The following CISD1 variants were observed in gnomAD, a reference collection of about 807,000 sequenced individuals.
CISD1 encodes CDGSH iron-sulfur domain-containing protein 1.
Under a neutral mutation model 12.0 loss-of-function variants are expected in CISD1, and 8 were observed. That is an observed-to-expected ratio of 0.67 (90% confidence interval 0.39 to 1.20). The LOEUF is 1.20. Among genes scored for constraint, CISD1 ranks in the 50% most tolerant of loss-of-function variants. The probability of loss-of-function intolerance (pLI) is 0.01; values close to 1 mark genes in which losing one functional copy is unlikely to be tolerated. For missense variants in CISD1, 107 were observed against 132.7 expected (o/e 0.81, Z 0.95); for synonymous variants, 38 against 42.2 (o/e 0.90, Z 0.39).
intron 2 of CISD1, among the ~76,000 whole-genome samples, chr10:58,279,308 A>G (rs1839349585): frequency 6.6e-6 from 1 of 152,222 alleles, no homozygotes; most frequent in African/African-American, 2.4e-5. Context: ...GTATATGCAG[A>G]CATTTCAAAA....
chr10:58,285,610 T>C (rs1228850572), intron 2 of CISD1, among the ~76,000 whole-genome samples: 5 of 152,124 alleles, frequency 3.3e-5, no homozygotes, highest in Non-Finnish European at 5.9e-5. Context: ...AAGATACAAA[T>C]ATAGAGAAAC....
chr10:58,271,572 A>G (rs972197011), intron 1 of CISD1, among the ~76,000 whole-genome samples: 2 of 152,200 alleles, frequency 1.3e-5, no homozygotes, highest in Non-Finnish European at 2.9e-5. Context: ...ATTGAAAATC[A>G]ATTTAGATCT....
At chr10:58,277,068 G>C (rs771623362) in intron 1 of CISD1, 49 bp from the exon 2 acceptor site, 32 of 1,282,998 alleles carry the variant, frequency 2.5e-5, no homozygotes, top group Non-Finnish European at 3.5e-5. Context: ...TGATATTATT[G>C]GTGTATATTT....
At chr10:58,280,789 T>C (rs1315665439) in intron 2 of CISD1, among the ~76,000 whole-genome samples, 1 of 152,160 alleles carries the variant, frequency 6.6e-6, no homozygotes, top group East Asian at 1.9e-4. Context: ...AGCTTCAAAG[T>C]AGAAGAGGGA....
intron 1 of CISD1, chr10:58,276,089 C>A (rs1274319194): frequency 1.3e-5 from 2 of 152,120 alleles, no homozygotes; most frequent in Non-Finnish European, 2.9e-5. Context: ...GTGTGTTTAT[C>A]CTGACCCCTG....
chr10:58,286,954 A>G (rs535057219), intron 2 of CISD1, among the ~76,000 whole-genome samples: 1 of 152,216 alleles, frequency 6.6e-6, no homozygotes, highest in Non-Finnish European at 1.5e-5. Flanking sequence ...TTTATTTTTT[A>G]TTTTTATGTT....
At chr10:58,273,947 A>G (rs988104999) in intron 1 of CISD1, among the ~76,000 whole-genome samples, 2 of 152,204 alleles carry the variant, frequency 1.3e-5, no homozygotes, top group African/African-American at 2.4e-5. Flanking sequence ...CGGCCTGGCC[A>G]ACATGGTGAA....
rs901601056 is a variant in CISD1 at position 58,269,193 on chromosome 10, C to T, written c.-81C>T. ...GCGGAGTCGGTGCTTTAGTACGCCG[C>T]TGGCACCTTTACTCTCGCCGGCCGC... On this transcript the variant is annotated 5_prime_UTR_variant, in exon 1 of 3. Coordinates refer to ENST00000333926, the MANE Select transcript of CISD1 (RefSeq NM_018464.5). 2 of 1,465,832 alleles carry T rather than the reference C, an allele frequency of 1.4e-6. No individual in the cohort carries two copies. Among genetic ancestry groups the T allele is most frequent in the Non-Finnish European group, 1.9e-6 (2 of 1,058,840 alleles). 90.8% of individuals were successfully genotyped at this position (1,465,832 alleles called of 1,614,324 possible).
chr10:58,274,168 A>G, intron 1 of CISD1, among the ~76,000 whole-genome samples: 1 of 152,282 alleles, frequency 6.6e-6, no homozygotes, highest in Admixed American at 6.5e-5. Context: ...ATTGGGTCTC[A>G]GTAAAGTTCC....
intron 1 of CISD1, among the ~76,000 whole-genome samples, chr10:58,270,570 C>T (rs1839234438): frequency 6.6e-6 from 1 of 152,154 alleles, no homozygotes; most frequent in African/African-American, 2.4e-5. Flanking sequence ...AAAGATTCCA[C>T]AGTGTGTGTT....
intron 1 of CISD1, among the ~76,000 whole-genome samples, chr10:58,274,480 G>T (rs1467265371): frequency 6.5e-5 from 6 of 92,980 alleles, no homozygotes; most frequent in Admixed American, 2.8e-4. Context: ...TCTGGGAACT[G>T]TTGCATTTGT....
intron 1 of CISD1, among the ~76,000 whole-genome samples, chr10:58,274,793 C>T (rs2132278334): frequency 6.6e-6 from 1 of 151,766 alleles, no homozygotes; most frequent in Admixed American, 6.6e-5. Context: ...CCCACCATCA[C>T]AAAATCCAAG....
intron 1 of CISD1, among the ~76,000 whole-genome samples, chr10:58,269,602 G>C (rs1037942277): frequency 1.5e-4 from 23 of 152,250 alleles, no homozygotes; most frequent in Non-Finnish European, 2.2e-4. Flanking sequence ...CCCCTAAGAC[G>C]CTTTCATGTC....
intron 2 of CISD1, among the ~76,000 whole-genome samples, chr10:58,281,163 G>A (rs537974223): frequency 5.6e-4 from 86 of 152,310 alleles, no homozygotes; most frequent in African/African-American, 1.9e-3. Context: ...AATATTTCAG[G>A]AAGAATCACC....
chr10:58,287,198 G>C (rs1839438077), intron 2 of CISD1, among the ~76,000 whole-genome samples: 1 of 152,278 alleles, frequency 6.6e-6, no homozygotes, highest in South Asian at 2.1e-4. Flanking sequence ...TGAGATTACA[G>C]GCATGAGCCA....
chr10:58,275,013 A>G (rs1211415337), intron 1 of CISD1, among the ~76,000 whole-genome samples: 1 of 152,222 alleles, frequency 6.6e-6, no homozygotes, highest in Non-Finnish European at 1.5e-5. Flanking sequence ...TTTGGATCTC[A>G]GGACTGTTTG....
chr10:58,277,842 G>A (rs934535043), intron 2 of CISD1, among the ~76,000 whole-genome samples: 5 of 152,016 alleles, frequency 3.3e-5, no homozygotes, highest in African/African-American at 4.8e-5. Flanking sequence ...ATCACAAAGA[G>A]AAGCAGAAGA....
intron 1 of CISD1, among the ~76,000 whole-genome samples, chr10:58,273,689 T>A (rs1226601795): frequency 2.0e-5 from 3 of 152,328 alleles, no homozygotes; most frequent in African/African-American, 7.2e-5. Flanking sequence ...ATGGGAGGAT[T>A]ATTCAGAAAT....
intron 2 of CISD1, among the ~76,000 whole-genome samples, chr10:58,278,306 G>A (rs1412865412): frequency 1.3e-5 from 2 of 152,106 alleles, no homozygotes; most frequent in Admixed American, 6.5e-5. Context: ...GGGTGGTTGA[G>A]GCAGATCACT....
Sources: gnomAD v4.1 joint callset for allele counts (sites outside exome capture counted in the v4.1 genomes callset) on GRCh38, gnomAD v4.1.1 for gene constraint, MANE v1.5 for transcripts, NCBI Gene and HGNC (gene_info 2026-07-23, HGNC 2026-07-21) for gene names.